DGKB: variants seen among roughly 807,000 people sequenced by gnomAD.
DGKB encodes the protein 90 kDa diacylglycerol kinase.
Under a neutral mutation model 114.3 loss-of-function variants are expected in DGKB, and 67 were observed. That is an observed-to-expected ratio of 0.59 (90% CI 0.48 to 0.72). The LOEUF (loss-of-function observed/expected upper bound fraction) is 0.72. Among genes scored for constraint, DGKB ranks in the 30% least tolerant of loss-of-function variants. The pLI is 0.00. For missense variants in DGKB, 907 were observed against 975.2 expected (o/e 0.93, Z 0.93); for synonymous variants, 398 against 323.1 (o/e 1.23, Z -2.49).
At chr7:14,888,282 C>T (rs985396255) in intron 1 of DGKB, among the ~76,000 whole-genome samples, 6 of 151,690 alleles carry the variant, frequency 4.0e-5, no homozygotes, top group African/African-American at 1.5e-4. Context: ...AGGCATGATA[C>T]AGTAGATACT....
chr7:14,494,635 T>G (rs747690229), intron 20 of DGKB, among the ~76,000 whole-genome samples: 5 of 151,962 alleles, frequency 3.3e-5, no homozygotes, highest in Non-Finnish European at 7.4e-5. Flanking sequence ...ACACCTTGTA[T>G]TGCAATGTTT....
chr7:14,238,829 T>C (rs900616702), intron 23 of DGKB, among the ~76,000 whole-genome samples: 3 of 152,006 alleles, frequency 2.0e-5, no homozygotes. Flanking sequence ...TATTGAAATA[T>C]CATGAATACA....
chr7:14,754,349 TTAAAA>T (rs1834561183), intron 3 of DGKB, among the ~76,000 whole-genome samples: 1 of 152,194 alleles, frequency 6.6e-6, no homozygotes, highest in Admixed American at 6.6e-5. Context: ...TACAGTGTGA[TTAAAA>T]TATTTTAGAG....
At chr7:14,557,121 G>C (rs1795988393) in intron 20 of DGKB, among the ~76,000 whole-genome samples, 1 of 152,166 alleles carries the variant, frequency 6.6e-6, no homozygotes, top group Non-Finnish European at 1.5e-5. Flanking sequence ...CCCAGGTGTA[G>C]AGACCAGTAA....
chr7:14,594,482 CAG>C (rs1214657495), intron 17 of DGKB, among the ~76,000 whole-genome samples: 2 of 152,000 alleles, frequency 1.3e-5, no homozygotes, highest in Non-Finnish European at 2.9e-5. Flanking sequence ...TCAATTAAAA[CAG>C]AAGTTACACA....
intron 1 of DGKB, among the ~76,000 whole-genome samples, chr7:14,936,001 C>A (rs1785255347): frequency 6.6e-6 from 1 of 152,126 alleles, no homozygotes; most frequent in African/African-American, 2.4e-5. Context: ...ATCCAGGCAG[C>A]AAGTAATGAA....
At position 14,184,105 on chromosome 7, in the gene DGKB, G is replaced by C. The variant is rs948393661; in HGVS notation, c.2123-5954C>G. On this transcript the variant is annotated intron_variant, in intron 23 of 25. Coordinates refer to ENST00000402815, the MANE Select transcript of DGKB (RefSeq NM_001350709.2). The stretch of plus-strand genomic sequence containing the variant: ...AATTTGGAAAGCTAAGCCAAGTACA[G>C]GGGTAGAGGAAGCAGCAGAAAGGCC... Among the ~76,000 whole-genome samples, 8 of 152,290 alleles carry C rather than the reference G, an allele frequency of 5.3e-5. No homozygotes were observed. In the South Asian group the frequency reaches 1.5e-3, roughly 28 times the overall value.
intron 2 of DGKB, among the ~76,000 whole-genome samples, chr7:14,814,449 T>C (rs1021117710): frequency 2.6e-5 from 4 of 152,180 alleles, no homozygotes; most frequent in Admixed American, 6.6e-5. Flanking sequence ...CACAGAGATA[T>C]GTATTGTAGT....
chr7:14,294,487 C>T (rs891631113), intron 23 of DGKB, among the ~76,000 whole-genome samples: 20 of 152,126 alleles, frequency 1.3e-4, no homozygotes, highest in African/African-American at 4.8e-4. Flanking sequence ...GATTACCATA[C>T]TTGGCCAAAT....
chr7:14,800,207 C>G (rs11973184), intron 2 of DGKB, among the ~76,000 whole-genome samples: 41,061 of 152,138 alleles, frequency 0.27, 8,767 homozygotes, highest in African/African-American at 0.59. Flanking sequence ...TGAGCCACCG[C>G]GCTCGGTCTA....
chr7:14,623,576 C>T (rs1378806097), intron 14 of DGKB, among the ~76,000 whole-genome samples: 9 of 152,064 alleles, frequency 5.9e-5, no homozygotes, highest in African/African-American at 1.4e-4. Context: ...TCGTCTCTGA[C>T]TAAAATAATG....
At chr7:14,566,991 T>C (rs1797484421) in intron 20 of DGKB, among the ~76,000 whole-genome samples, 1 of 147,238 alleles carries the variant, frequency 6.8e-6, no homozygotes, top group Non-Finnish European at 1.5e-5. Context: ...ATGTTGTATT[T>C]GTGCATTGGT....
At chr7:14,238,781 T>C (rs1443184373) in intron 23 of DGKB, among the ~76,000 whole-genome samples, 1 of 152,018 alleles carries the variant, frequency 6.6e-6, no homozygotes, top group East Asian at 1.9e-4. Context: ...AATTTCATAT[T>C]ATATCTATGA....
chr7:14,813,687 C>G (rs1843720125), intron 2 of DGKB, among the ~76,000 whole-genome samples: 1 of 152,046 alleles, frequency 6.6e-6, no homozygotes, highest in Non-Finnish European at 1.5e-5. Context: ...CTCCTGTCAT[C>G]TTGCTTTATG....
chr7:14,905,470 C>A (rs554850468), upstream of DGKB, among the ~76,000 whole-genome samples: 2 of 152,208 alleles, frequency 1.3e-5, no homozygotes, highest in African/African-American at 4.8e-5. Context: ...AGATGCTTCT[C>A]TGCTCCCATC....
At chr7:14,667,253 T>G (rs1431331748) in intron 13 of DGKB, among the ~76,000 whole-genome samples, 1 of 151,954 alleles carries the variant, frequency 6.6e-6, no homozygotes, top group Non-Finnish European at 1.5e-5. Context: ...GAAGGTGTTC[T>G]AAAATATGAG....
intron 23 of DGKB, among the ~76,000 whole-genome samples, chr7:14,327,087 A>G (rs887624302): frequency 1.3e-5 from 2 of 152,142 alleles, no homozygotes; most frequent in Non-Finnish European, 2.9e-5. Flanking sequence ...ATTTTTGATT[A>G]TTTTAAATGT....
chr7:14,301,166 T>C (rs1015141405), intron 23 of DGKB, among the ~76,000 whole-genome samples: 4 of 152,166 alleles, frequency 2.6e-5, no homozygotes, highest in Non-Finnish European at 5.9e-5. Context: ...AAAACATGCA[T>C]CATCTTATAA....
intron 23 of DGKB, among the ~76,000 whole-genome samples, chr7:14,258,520 T>C (rs758940139): frequency 6.6e-6 from 1 of 152,214 alleles, no homozygotes; most frequent in Non-Finnish European, 1.5e-5. Flanking sequence ...CTTTGTCCTA[T>C]AGCTTCCTTG....
Sources: allele counts gnomAD v4.1 joint callset (sites outside exome capture counted in the v4.1 genomes callset), GRCh38; gene constraint gnomAD v4.1.1; transcripts MANE v1.5; gene names NCBI Gene and HGNC (gene_info 2026-07-23, HGNC 2026-07-21).